The following PIK3C2G variants were observed in gnomAD, a reference collection of about 807,000 sequenced individuals.
The protein encoded by PIK3C2G is phosphatidylinositol-4-phosphate 3-kinase catalytic subunit type 2 gamma.
In PIK3C2G, 168 loss-of-function variants were observed where a neutral mutation model predicts 181.1. That is an observed-to-expected ratio of 0.93 (90% CI 0.82 to 1.05). PIK3C2G has a LOEUF of 1.05. Among genes scored for constraint, PIK3C2G ranks in the 50% least tolerant of loss-of-function variants. The pLI, the probability that PIK3C2G is intolerant of heterozygous loss-of-function variation, is 0.00. For synonymous variants in PIK3C2G, 573 were observed against 592.2 expected (o/e 0.97, Z 0.47); for missense variants, 1,869 against 1,732.8 (o/e 1.08, Z -1.40).
chr12:18,276,653 T>G (rs924140405), intron 1 of PIK3C2G, among the ~76,000 whole-genome samples: 1 of 152,166 alleles, frequency 6.6e-6, no homozygotes, highest in Non-Finnish European at 1.5e-5. Flanking sequence ...TATTCCTATA[T>G]TGTACTGTAA....
chr12:18,631,916 C>T (rs1209342836), intron 31 of PIK3C2G, among the ~76,000 whole-genome samples: 2 of 152,144 alleles, frequency 1.3e-5, no homozygotes, highest in Non-Finnish European at 2.9e-5. Flanking sequence ...AGGCTGGGAT[C>T]CTAGGGATCA....
At chr12:18,411,261 G>A (rs184872754) in intron 16 of PIK3C2G, among the ~76,000 whole-genome samples, 314 of 152,284 alleles carry the variant, frequency 2.1e-3, no homozygotes, top group Non-Finnish European at 3.3e-3. Flanking sequence ...TGCTAGGGGT[G>A]CTGTAGAAAG....
chr12:18,683,606 C>T, the PIK3C2G span: 1 of 1,428,132 alleles, frequency 7.0e-7, no homozygotes, highest in Non-Finnish European at 9.3e-7. Context: ...TTCAGGAAGA[C>T]CTGTTTCCTA....
At chr12:18,700,855 A>G in the PIK3C2G span, among the ~76,000 whole-genome samples, 1 of 152,274 alleles carries the variant, frequency 6.6e-6, no homozygotes, top group Non-Finnish European at 1.5e-5. Context: ...AACATTATGT[A>G]TTATTAATAT....
intron 31 of PIK3C2G, among the ~76,000 whole-genome samples, chr12:18,615,375 G>GCA (rs1948556935): frequency 1.1e-3 from 96 of 89,616 alleles, no homozygotes; most frequent in African/African-American, 2.8e-3. Flanking sequence ...GTGTGTATGT[G>GCA]TATATATATA....
the PIK3C2G span, chr12:18,705,271 G>A: frequency 6.2e-7 from 1 of 1,614,026 alleles, no homozygotes; most frequent in Non-Finnish European, 8.5e-7. Context: ...GTTGGGCAGT[G>A]GAGCAGTGAT....
chr12:18,496,616 T>C (rs1241374701), intron 21 of PIK3C2G, among the ~76,000 whole-genome samples: 1 of 152,156 alleles, frequency 6.6e-6, no homozygotes, highest in Non-Finnish European at 1.5e-5. Flanking sequence ...TCAGTCTTCA[T>C]CATTAATCCC....
At chr12:18,669,604 G>A in the PIK3C2G span, among the ~76,000 whole-genome samples, 3 of 152,186 alleles carry the variant, frequency 2.0e-5, no homozygotes, top group South Asian at 6.2e-4. Flanking sequence ...CTTCCAGACA[G>A]TTGCCTTTGC....
At chr12:18,710,110 A>G in the PIK3C2G span, among the ~76,000 whole-genome samples, 1 of 150,526 alleles carries the variant, frequency 6.6e-6, no homozygotes, top group Admixed American at 6.7e-5. Context: ...AAATAAACAT[A>G]ATGTTGCTTC....
At chr12:18,301,335 C>A (rs1487929917) in intron 5 of PIK3C2G, among the ~76,000 whole-genome samples, 1 of 152,096 alleles carries the variant, frequency 6.6e-6, no homozygotes, top group African/African-American at 2.4e-5. Flanking sequence ...TTATAGAACA[C>A]CCAAAATGTG....
At chr12:18,325,129 T>A in intron 8 of PIK3C2G, 31 bp downstream of exon 8, 1 of 1,278,954 alleles carries the variant, frequency 7.8e-7, no homozygotes, top group Non-Finnish European at 1.1e-6. Context: ...ATCCATCAAT[T>A]CAGTAAGCGT....
At chr12:18,699,994 TG>T in the PIK3C2G span, 1 of 1,556,694 alleles carries the variant, frequency 6.4e-7, no homozygotes, top group Non-Finnish European at 8.7e-7. Context: ...TGCTAATCAT[TG>T]GGAAAAAAAA....
At chr12:18,411,788 T>A (rs1445746253) in intron 16 of PIK3C2G, among the ~76,000 whole-genome samples, 1 of 152,200 alleles carries the variant, frequency 6.6e-6, no homozygotes, top group Non-Finnish European at 1.5e-5. Context: ...ATCTCAGATT[T>A]CTTTGCTTTT....
intron 29 of PIK3C2G, among the ~76,000 whole-genome samples, chr12:18,581,237 C>A (rs1022243518): frequency 6.6e-6 from 1 of 152,112 alleles, no homozygotes; most frequent in African/African-American, 2.4e-5. Context: ...CAAATTTGTT[C>A]TTTATTGATT....
At chr12:18,594,436 GA>G in intron 29 of PIK3C2G, 57 bp from the exon 30 acceptor site, 2 of 960,126 alleles carry the variant, frequency 2.1e-6, no homozygotes, top group Non-Finnish European at 3.1e-6. Flanking sequence ...ATGTAATAAT[GA>G]ATAGCAGTAA....
At chr12:18,466,079 A>G (rs899677182) in intron 18 of PIK3C2G, among the ~76,000 whole-genome samples, 2 of 151,192 alleles carry the variant, frequency 1.3e-5, no homozygotes, top group African/African-American at 2.4e-5. Context: ...GTGTGTGTGT[A>G]TTTGCATGTG....
At chr12:18,687,377 A>G in the PIK3C2G span, among the ~76,000 whole-genome samples, 1 of 152,148 alleles carries the variant, frequency 6.6e-6, no homozygotes, top group South Asian at 2.1e-4. Flanking sequence ...ATATCCCTTG[A>G]AGAAGATTCC....
In PIK3C2G at chr12:18,454,563, T is replaced by C. The variant is rs542988935; in HGVS notation, c.2504+30524T>C. ...TTGTGGTTTTTGTAAGGTGGCTGAG[T>C]ATCTGAATGAGAATGGAATCCATTA... On this transcript the variant is annotated intron_variant, in intron 18 of 32. Coordinates refer to ENST00000538779, the MANE Select transcript of PIK3C2G (RefSeq NM_001288772.2). 2.6e-5 allele frequency among the ~76,000 whole-genome samples: 4 copies of C among 152,198 alleles called. No individual in the cohort carries two copies. In the South Asian group the frequency reaches 6.2e-4, roughly 24 times the overall value.
chr12:18,551,256 T>C lies in PIK3C2G; in HGVS notation c.3590+4824T>C, dbSNP rs76605133. ...AGTCCACTGCAAATTGATACTCTCA[T>C]GTAATATCTCTGCAGAGACCACTGC... On this transcript the variant is annotated intron_variant, in intron 26 of 32. Transcript: ENST00000538779. Among the ~76,000 whole-genome samples the C allele has an allele frequency of 5.8e-3, 887 of 152,202 alleles. 2 individuals are homozygous for C. Among genetic ancestry groups the C allele is most frequent in the Middle Eastern group, 0.01 (3 of 294 alleles).
Sources: allele counts gnomAD v4.1 joint callset (sites outside exome capture counted in the v4.1 genomes callset), GRCh38; gene constraint gnomAD v4.1.1; transcripts MANE v1.5; gene names NCBI Gene and HGNC (gene_info 2026-07-23, HGNC 2026-07-21).